AKT3: variants seen among roughly 807,000 people sequenced by gnomAD.
AKT3 encodes the protein AKT serine/threonine kinase 3, also known as RAC-gamma serine/threonine-protein kinase.
AKT3 carries 15 observed loss-of-function variants against 65.3 expected under a neutral mutation model. The observed-to-expected ratio is 0.23, with a 90% CI of 0.15 to 0.35. The LOEUF (loss-of-function observed/expected upper bound fraction) is 0.35, where lower values mean the gene tolerates loss of function less well. Ranked by LOEUF, AKT3 falls within the 10% of genes least tolerant of loss-of-function variation. The probability of loss-of-function intolerance (pLI) is 1.00; values close to 1 mark genes in which losing one functional copy is unlikely to be tolerated. For missense variants in AKT3, 243 were observed against 576.5 expected, an observed-to-expected ratio of 0.42 and a Z score of 5.92; for synonymous variants, 206 against 183.8, an observed-to-expected ratio of 1.12 and a Z score of -0.98.
intron 2 of AKT3, among the ~76,000 whole-genome samples, chr1:243,712,789 T>G (rs1686244752): frequency 6.6e-6 from 1 of 152,176 alleles, no homozygotes; most frequent in African/African-American, 2.4e-5. Flanking sequence ...CATGCTCACT[T>G]CCATCTAAAT....
chr1:243,667,981 T>C (rs1360365040), intron 3 of AKT3, among the ~76,000 whole-genome samples: 1 of 152,216 alleles, frequency 6.6e-6, no homozygotes, highest in Non-Finnish European at 1.5e-5. Context: ...TACTGCAATC[T>C]GCACCCCTTA....
intron 8 of AKT3, among the ~76,000 whole-genome samples, chr1:243,610,787 C>T (rs368132675): frequency 7.9e-5 from 12 of 152,188 alleles, no homozygotes; most frequent in East Asian, 3.8e-4. Context: ...CACATGTTTA[C>T]GGTCTAATTT....
At chr1:243,655,595 C>T (rs1168740486) in intron 4 of AKT3, among the ~76,000 whole-genome samples, 2 of 152,164 alleles carry the variant, frequency 1.3e-5, no homozygotes, top group Non-Finnish European at 1.5e-5. Flanking sequence ...TTTACATTTG[C>T]TTTTAGCAAG....
intron 2 of AKT3, among the ~76,000 whole-genome samples, chr1:243,721,520 T>C (rs879771795): frequency 6.6e-6 from 1 of 152,178 alleles, no homozygotes; most frequent in Non-Finnish European, 1.5e-5. Context: ...TTAAACAGAT[T>C]TGTTATGCTT....
intron 2 of AKT3, among the ~76,000 whole-genome samples, chr1:243,739,982 CA>C (rs1363701688): frequency 6.6e-6 from 1 of 152,156 alleles, no homozygotes; most frequent in Non-Finnish European, 1.5e-5. Flanking sequence ...CAGCATTTAT[CA>C]AAATGCCTCA....
intron 3 of AKT3, among the ~76,000 whole-genome samples, chr1:243,667,820 C>A (rs1344358480): frequency 6.6e-6 from 1 of 152,184 alleles, no homozygotes; most frequent in Non-Finnish European, 1.5e-5. Flanking sequence ...TTAGTACTCT[C>A]TTTCAGGCTG....
In AKT3 at chr1:243,637,742, T is replaced by C. The variant is rs1680078920; in HGVS notation, c.430A>G (p.Thr144Ala). 1.3e-6 allele frequency: 2 copies of C among 1,527,268 alleles called. No homozygotes were observed. Among genetic ancestry groups the C allele is most frequent in the Non-Finnish European group, 1.8e-6 (2 of 1,110,986 alleles). The allele number at this position is 1,527,268 out of a possible 1,614,324, so 94.6% of individuals were successfully genotyped here. The change falls in exon 6 of 14, where the codon ACA (threonine) becomes GCA (alanine). Residue 144 changes from threonine (T) to alanine (A), a missense_variant and splice_region_variant. Physicochemically the swap from Thr to Ala is moderately conservative, Grantham distance 58. Transcript: ENST00000673466. ...DASTTHHKRKTMNDFDYLKLL... is the reference protein window; with the variant it reads ...DASTTHHKRKAMNDFDYLKLL... ...TTCAAATAGTCAAAATCATTCATTGTCTGAAAAATACAAATTAAAAAATAT... is the reference window on the plus strand; with the variant it reads ...TTCAAATAGTCAAAATCATTCATTGCCTGAAAAATACAAATTAAAAAATAT...
At chr1:243,579,147 T>C (rs147206595) in intron 8 of AKT3, among the ~76,000 whole-genome samples, 46 of 152,238 alleles carry the variant, frequency 3.0e-4, no homozygotes, top group African/African-American at 1.1e-3. Context: ...ACTGAGTAGA[T>C]GCTGATATAA....
chr1:243,843,849 A>G (rs1250229658), intron 1 of AKT3, among the ~76,000 whole-genome samples: 1 of 151,706 alleles, frequency 6.6e-6, no homozygotes, highest in Non-Finnish European at 1.5e-5. Flanking sequence ...ACGGGGTTTC[A>G]CCATATTGGC....
At chr1:243,839,810 T>C (rs557596860) in intron 2 of AKT3, among the ~76,000 whole-genome samples, 4 of 151,442 alleles carry the variant, frequency 2.6e-5, no homozygotes, top group Non-Finnish European at 5.9e-5. Context: ...ATTATAACTT[T>C]ATTATATCAA....
At chr1:243,586,428 A>G (rs562976870) in intron 8 of AKT3, among the ~76,000 whole-genome samples, 1 of 152,340 alleles carries the variant, frequency 6.6e-6, no homozygotes, top group South Asian at 2.1e-4. Flanking sequence ...TGTTCTATAA[A>G]GTAGACACAG....
chr1:243,848,968 C>T (rs1194326183), intron 1 of AKT3, among the ~76,000 whole-genome samples: 2 of 152,182 alleles, frequency 1.3e-5, no homozygotes, highest in South Asian at 4.1e-4. Context: ...TAAGCATTTC[C>T]TCTGCTTTCA....
At chr1:243,788,442 G>GT (rs1691408668) in intron 2 of AKT3, among the ~76,000 whole-genome samples, 1 of 152,138 alleles carries the variant, frequency 6.6e-6, no homozygotes, top group African/African-American at 2.4e-5. Context: ...TCGTGGGGGG[G>GT]ACTGATTCCG....
intron 2 of AKT3, among the ~76,000 whole-genome samples, chr1:243,749,890 A>C (rs1288438435): frequency 6.6e-6 from 1 of 152,246 alleles, no homozygotes; most frequent in East Asian, 1.9e-4. Flanking sequence ...TGAGGTTATC[A>C]GTGGCCTCTT....
At chr1:243,727,984 T>G (rs1687317600) in intron 2 of AKT3, among the ~76,000 whole-genome samples, 1 of 152,202 alleles carries the variant, frequency 6.6e-6, no homozygotes, top group Non-Finnish European at 1.5e-5. Context: ...TTTAAGAGCT[T>G]GAAGTAGTAT....
At chr1:243,764,394 T>C (rs535852178) in intron 2 of AKT3, among the ~76,000 whole-genome samples, 2 of 152,210 alleles carry the variant, frequency 1.3e-5, no homozygotes, top group Non-Finnish European at 2.9e-5. Flanking sequence ...AAGTAACATT[T>C]TTTAAGTACT....
At chr1:243,489,102 C>G in intron 13 of AKT3, 2 of 1,613,178 alleles carry the variant, frequency 1.2e-6, no homozygotes, top group African/African-American at 1.3e-5. Flanking sequence ...CCTGGAGAGG[C>G]AGAGCCTGTC....
intron 8 of AKT3, among the ~76,000 whole-genome samples, chr1:243,585,734 T>C (rs958529398): frequency 6.6e-6 from 1 of 152,118 alleles, no homozygotes; most frequent in East Asian, 1.9e-4. Flanking sequence ...TATACAAAAA[T>C]TAACTCAATA....
intron 10 of AKT3, among the ~76,000 whole-genome samples, chr1:243,554,996 C>G (rs971368900): frequency 2.0e-5 from 3 of 151,634 alleles, no homozygotes; most frequent in Non-Finnish European, 2.9e-5. Flanking sequence ...AATAAAACTG[C>G]ATTGTAAAAA....
Sources: allele counts gnomAD v4.1 joint callset (sites outside exome capture counted in the v4.1 genomes callset), GRCh38; gene constraint gnomAD v4.1.1; transcripts MANE v1.5; gene names NCBI Gene and HGNC (gene_info 2026-07-23, HGNC 2026-07-21).